The following PGBD5 variants were observed in gnomAD, a reference collection of about 807,000 sequenced individuals.
The protein encoded by PGBD5 is piggyBac transposable element derived 5, also known as piggyBac transposable element-derived protein 5.
PGBD5 carries 14 observed loss-of-function variants against 47.9 expected under a neutral mutation model. That is an observed-to-expected ratio of 0.29 (90% CI 0.19 to 0.46). The LOEUF (loss-of-function observed/expected upper bound fraction) is 0.46, where lower values mean the gene tolerates loss of function less well. Ranked by LOEUF, PGBD5 falls within the 20% of genes least tolerant of loss-of-function variation. The probability of loss-of-function intolerance (pLI) is 1.00; values close to 1 mark genes in which losing one functional copy is unlikely to be tolerated. For missense variants in PGBD5, 635 were observed against 716.0 expected (o/e 0.89, Z 1.29); for synonymous variants, 316 against 306.3 (o/e 1.03, Z -0.33).
At chr1:230,396,544 A>G (rs1164232641) in intron 1 of PGBD5, among the ~76,000 whole-genome samples, 2 of 137,874 alleles carry the variant, frequency 1.5e-5, no homozygotes, top group African/African-American at 2.8e-5. Flanking sequence ...CTTGACAGCT[A>G]AGGTACATTT....
intron 1 of PGBD5, chr1:230,362,193 G>C: frequency 2.3e-6 from 3 of 1,306,778 alleles, no homozygotes; most frequent in Non-Finnish European, 3.0e-6. Flanking sequence ...TGCACGAGAG[G>C]GTGGGGGAGG....
chr1:230,402,167 A>G (rs1657153187), intron 1 of PGBD5, among the ~76,000 whole-genome samples: 1 of 152,248 alleles, frequency 6.6e-6, no homozygotes, highest in African/African-American at 2.4e-5. Context: ...CATATTCTGT[A>G]ACCACATTTC....
intron 1 of PGBD5, among the ~76,000 whole-genome samples, chr1:230,395,077 TCA>T (rs1185186346): frequency 5.9e-5 from 2 of 34,012 alleles, no homozygotes; most frequent in Non-Finnish European, 1.1e-4. Flanking sequence ...CCTCCTCCCC[TCA>T]CACTCCTCCC....
chr1:230,332,052 C>CCATACCCAT (rs1667228682), intron 5 of PGBD5, among the ~76,000 whole-genome samples: 1 of 142,468 alleles, frequency 7.0e-6, no homozygotes, highest in African/African-American at 2.6e-5. Context: ...ACAGCACACA[C>CCATACCCAT]AACATGCCAG....
In PGBD5 at chr1:230,323,368, C is replaced by T. The variant is rs750758587; in HGVS notation, c.*57G>A. The stretch of plus-strand genomic sequence containing the variant: ...CGGGTCTCTGATGGGCAAGTTGGAA[C>T]GGCAGGCTCTCCTCCTCCTCTTGCC... On this transcript the variant is annotated 3_prime_UTR_variant, in exon 7 of 7. Coordinates refer to ENST00000391860, the MANE Select transcript of PGBD5 (RefSeq NM_001258311.2). This position sits in a 1 kb window ranked among gnomAD's most constrained non-coding sequence, Gnocchi z 4.1. The T allele has an allele frequency of 6.7e-5, 104 of 1,560,162 alleles. No homozygotes were observed. The highest frequency in any genetic ancestry group is 6.5e-4 in the South Asian group (53 of 81,606).
At chr1:230,399,335 T>G (rs528963323) in intron 1 of PGBD5, among the ~76,000 whole-genome samples, 2 of 152,280 alleles carry the variant, frequency 1.3e-5, no homozygotes, top group East Asian at 3.9e-4. Flanking sequence ...TGATATACAC[T>G]TGGTGTCTTC....
At chr1:230,383,106 G>C (rs1197397991) in intron 1 of PGBD5, among the ~76,000 whole-genome samples, 1 of 152,162 alleles carries the variant, frequency 6.6e-6, no homozygotes, top group Non-Finnish European at 1.5e-5. Flanking sequence ...GTCTTGCTCT[G>C]TCACCCAGGC....
At chr1:230,382,339 G>T (rs954237205) in intron 1 of PGBD5, among the ~76,000 whole-genome samples, 3 of 152,190 alleles carry the variant, frequency 2.0e-5, no homozygotes, top group Admixed American at 6.5e-5. Context: ...CCTAATGATG[G>T]AATTTCAGGA....
At chr1:230,421,505 A>G (rs1169936222) in intron 1 of PGBD5, among the ~76,000 whole-genome samples, 1 of 152,190 alleles carries the variant, frequency 6.6e-6, no homozygotes, top group Non-Finnish European at 1.5e-5. Flanking sequence ...CCCCAGTCAC[A>G]TGGCAGTGGC....
In PGBD5 at chr1:230,314,664, AT is replaced by A. The variant is rs1666910698; in HGVS notation, c.*8760del. ...CTCCTGTTATACAAAATTTGTAAAA[AT>A]TTATTGCCTTGGCGTAAAGTGACAA... is the stretch of plus-strand genomic sequence containing the variant. On this transcript the variant is annotated 3_prime_UTR_variant, in exon 7 of 7. Coordinates refer to ENST00000391860, the MANE Select transcript of PGBD5 (RefSeq NM_001258311.2). The A allele has an allele frequency of 6.9e-6, 1 of 144,922 alleles. No homozygotes were observed. Among genetic ancestry groups the A allele is most frequent in the East Asian group, 2.0e-4 (1 of 4,898 alleles). The allele number at this position is 144,922 out of a possible 1,614,324, so 9.0% of individuals were successfully genotyped here.
In PGBD5 at chr1:230,318,297, G is replaced by A. The variant is rs12079838; in HGVS notation, c.*5128C>T. The A allele has an allele frequency of 0.096, 14,681 of 152,244 alleles. 1,253 individuals are homozygous for A. The highest frequency in any genetic ancestry group is 0.23 in the African/African-American group (9,654 of 41,498). The allele number at this position is 152,244 out of a possible 1,614,324, so 9.4% of individuals were successfully genotyped here. On this transcript the variant is annotated 3_prime_UTR_variant, in exon 7 of 7. Transcript: ENST00000391860. ...GCAAAGAAGGCTGAGAAATATTCTC[G>A]AAGATGAGACACACAGAAGCCACGG...
At chr1:230,356,455 G>A (rs1051423220) in intron 2 of PGBD5, among the ~76,000 whole-genome samples, 6 of 152,260 alleles carry the variant, frequency 3.9e-5, no homozygotes, top group South Asian at 4.2e-4. Context: ...AGTAACCCCC[G>A]ATGATCTGAA....
At chr1:230,392,639 A>T (rs1656817385) in intron 1 of PGBD5, among the ~76,000 whole-genome samples, 1 of 152,260 alleles carries the variant, frequency 6.6e-6, no homozygotes, top group South Asian at 2.1e-4. Flanking sequence ...CCTTCACCAG[A>T]GGACTGTCAG....
chr1:230,368,056 G>C, intron 1 of PGBD5: 1 of 1,367,942 alleles, frequency 7.3e-7, no homozygotes, highest in Admixed American at 1.9e-5. Context: ...TCCCTGGAAG[G>C]CTGGGTCTTT....
Position 230,425,745 on chromosome 1 carries a change from C to T in PGBD5, c.184G>A (p.Asp62Asn). 1 of 1,212,494 alleles carries T rather than the reference C, an allele frequency of 8.2e-7. No individual in the cohort carries two copies. 75.1% of individuals were successfully genotyped at this position (1,212,494 alleles called of 1,614,324 possible). A position where few individuals can be genotyped will look rare whatever the true frequency, so the allele number is the denominator to read the frequency against. The change falls in exon 1 of 7, where the codon GAC becomes AAC. Residue 62 changes from aspartate (D) to asparagine (N), a missense_variant. Coordinates refer to ENST00000391860, the MANE Select transcript of PGBD5 (RefSeq NM_001258311.2). This position sits in a 1 kb window ranked among gnomAD's most constrained non-coding sequence, Gnocchi z 4.7. ...GGGGGTCCCGGGGGCTCGCGCTCGT[C>T]GTCCGAGGAGGCGGCCGAGGAGGAG... is the stretch of plus-strand genomic sequence containing the variant. ...SRSSSAASSD[D>N]EREPPGPPGA...
intron 1 of PGBD5, among the ~76,000 whole-genome samples, chr1:230,405,108 T>C (rs1049095205): frequency 1.3e-5 from 2 of 150,090 alleles, no homozygotes; most frequent in African/African-American, 4.9e-5. Flanking sequence ...GGCGGGAGAA[T>C]GGCGTGAACC....
At chr1:230,401,432 G>C (rs1391220176) in intron 1 of PGBD5, among the ~76,000 whole-genome samples, 1 of 152,240 alleles carries the variant, frequency 6.6e-6, no homozygotes, top group Non-Finnish European at 1.5e-5. Flanking sequence ...ATGAGGGCCT[G>C]ATCTGGCCTG....
At position 230,361,047 on chromosome 1, in the gene PGBD5, C is replaced by T. The variant is rs145456807; in HGVS notation, c.332-3726G>A. On this transcript the variant is annotated intron_variant, in intron 1 of 6. Coordinates refer to ENST00000391860, the MANE Select transcript of PGBD5 (RefSeq NM_001258311.2). ...CCTTCCTCCCAGGCCAGCCTGAGTG[C>T]ACCTGCTGTGGTTACTAGCAGCAGC... 3.3e-5 allele frequency among the ~76,000 whole-genome samples: 5 copies of T among 152,326 alleles called. 1 individual carries two copies. Among genetic ancestry groups the T allele is most frequent in the African/African-American group, 1.2e-4 (5 of 41,576 alleles).
intron 1 of PGBD5, among the ~76,000 whole-genome samples, chr1:230,409,634 G>A (rs556896571): frequency 6.6e-6 from 1 of 152,306 alleles, no homozygotes; most frequent in African/African-American, 2.4e-5. Context: ...TATATGAAAT[G>A]TCTAGAATAG....
Sources: allele counts gnomAD v4.1 joint callset (sites outside exome capture counted in the v4.1 genomes callset), GRCh38; gene constraint gnomAD v4.1.1; non-coding constraint Gnocchi (gnomAD v3.1); transcripts MANE v1.5; gene names NCBI Gene and HGNC (gene_info 2026-07-23, HGNC 2026-07-21).